KCNN3: variants seen among roughly 807,000 people sequenced by gnomAD.
KCNN3 encodes small conductance calcium-activated potassium channel protein 3.
Under a neutral mutation model 62.9 loss-of-function variants are expected in KCNN3, and 16 were observed. The observed-to-expected ratio is 0.25, with a 90% CI of 0.17 to 0.39. The LOEUF is 0.39. Ranked by LOEUF, KCNN3 falls within the 10% of genes least tolerant of loss-of-function variation. KCNN3 has a pLI of 1.00. For missense variants in KCNN3, 599 were observed against 949.4 expected (o/e 0.63, Z 4.85); for synonymous variants, 370 against 389.2 (o/e 0.95, Z 0.58).
chr1:154,719,089 G>A (rs1351110693), intron 5 of KCNN3, among the ~76,000 whole-genome samples: 1 of 152,042 alleles, frequency 6.6e-6, no homozygotes, highest in Non-Finnish European at 1.5e-5. Context: ...GAATGCTTGG[G>A]GCAGGAGTAC....
intron 3 of KCNN3, among the ~76,000 whole-genome samples, chr1:154,762,045 T>C (rs563390590): frequency 9.8e-5 from 15 of 152,364 alleles, no homozygotes; most frequent in Admixed American, 3.9e-4. Flanking sequence ...ATCATATGGA[T>C]GTGCCATACT....
chr1:154,860,354 C>A (rs1290332351), intron 1 of KCNN3, among the ~76,000 whole-genome samples: 1 of 152,154 alleles, frequency 6.6e-6, no homozygotes, highest in East Asian at 1.9e-4. Flanking sequence ...ATCGTGTGTC[C>A]CCCTGACCTT....
chr1:154,815,280 G>A (rs924748814), intron 2 of KCNN3, among the ~76,000 whole-genome samples: 2 of 152,212 alleles, frequency 1.3e-5, no homozygotes, highest in African/African-American at 4.8e-5. Flanking sequence ...TGGGGGGTTT[G>A]GGCAGCCTCC....
At chr1:154,768,936 C>A (rs915466180) in intron 3 of KCNN3, among the ~76,000 whole-genome samples, 2 of 152,090 alleles carry the variant, frequency 1.3e-5, no homozygotes, top group Admixed American at 6.5e-5. Context: ...AGAGTAGAGG[C>A]CAAGATTTCC....
At chr1:154,781,669 TG>T (rs1386917476) in intron 2 of KCNN3, among the ~76,000 whole-genome samples, 3 of 152,224 alleles carry the variant, frequency 2.0e-5, no homozygotes, top group African/African-American at 7.2e-5. Flanking sequence ...ATCAAGTGTT[TG>T]GGGTCTGGTT....
chr1:154,851,919 C>T (rs1227672677), intron 1 of KCNN3, among the ~76,000 whole-genome samples: 5 of 152,212 alleles, frequency 3.3e-5, no homozygotes, highest in South Asian at 2.1e-4. Flanking sequence ...CTCCTCAGGA[C>T]GGTCTACAAA....
intron 2 of KCNN3, among the ~76,000 whole-genome samples, chr1:154,786,866 G>C (rs187529472): frequency 1.4e-4 from 22 of 152,338 alleles, no homozygotes; most frequent in African/African-American, 5.3e-4. Flanking sequence ...CATGGAGAAA[G>C]CCACTTGTGG....
intron 3 of KCNN3, among the ~76,000 whole-genome samples, chr1:154,766,684 G>GT (rs538280656): frequency 0.017 from 2,245 of 135,342 alleles, 65 homozygotes; most frequent in African/African-American, 0.05. Flanking sequence ...TTTGGGGTTT[G>GT]TTTTTTTTTT....
chr1:154,817,676 T>C lies in KCNN3; in HGVS notation c.1029+4413A>G, dbSNP rs117568218. Among the ~76,000 whole-genome samples, 61 of 152,310 alleles carry C rather than the reference T, an allele frequency of 4.0e-4. No homozygotes were observed. In the East Asian group the frequency reaches 0.011, roughly 27 times the overall value. On this transcript the variant is annotated intron_variant, in intron 2 of 7. Transcript: ENST00000271915. The stretch of plus-strand genomic sequence containing the variant: ...CCTGGGTCATAACTGAGTTTTATGA[T>C]TCTGCCTGCTAGCCTGCCTTCCAGG...
At chr1:154,855,207 G>C (rs1652471845) in intron 1 of KCNN3, among the ~76,000 whole-genome samples, 1 of 147,968 alleles carries the variant, frequency 6.8e-6, no homozygotes, top group Admixed American at 7.0e-5. Context: ...TACAGAGTGA[G>C]ACTCTGTCTC....
rs558901416 is a variant in KCNN3 at position 154,747,841 on chromosome 1, T to A, written c.1449-14697A>T. On this transcript the variant is annotated intron_variant, in intron 3 of 7. Coordinates refer to ENST00000271915, the MANE Select transcript of KCNN3 (RefSeq NM_002249.6). ...ATCTTATGACACCCCAGCAAGCAAC[T>A]GCTTATTCTCTCCTCCAATCCATGC... is the stretch of plus-strand genomic sequence containing the variant. Among the ~76,000 whole-genome samples the A allele has an allele frequency of 3.2e-4, 48 of 152,284 alleles. No homozygotes were observed. In the South Asian group the frequency reaches 8.5e-3, roughly 27 times the overall value.
chr1:154,829,745 C>T (rs1651307508), intron 1 of KCNN3, among the ~76,000 whole-genome samples: 1 of 152,192 alleles, frequency 6.6e-6, no homozygotes, highest in Non-Finnish European at 1.5e-5. Context: ...GGTCCATATA[C>T]CCACCATCGA....
At chr1:154,865,023 G>C (rs575047007) in intron 1 of KCNN3, among the ~76,000 whole-genome samples, 2 of 152,218 alleles carry the variant, frequency 1.3e-5, no homozygotes, top group South Asian at 2.1e-4. Context: ...CAGCCACACA[G>C]AGGTACCAGC....
chr1:154,738,167 A>G (rs564586037), intron 3 of KCNN3, among the ~76,000 whole-genome samples: 1 of 152,298 alleles, frequency 6.6e-6, no homozygotes, highest in South Asian at 2.1e-4. Flanking sequence ...AAGGCACATT[A>G]TTGTGAAATT....
intron 3 of KCNN3, among the ~76,000 whole-genome samples, chr1:154,755,769 G>A (rs1278179910): frequency 2.3e-5 from 1 of 43,124 alleles, no homozygotes; most frequent in Non-Finnish European, 4.5e-5. Flanking sequence ...GAGGAGAGGT[G>A]GAGGAGGAGA....
chr1:154,740,854 T>A (rs992437221), intron 3 of KCNN3, among the ~76,000 whole-genome samples: 5 of 152,264 alleles, frequency 3.3e-5, no homozygotes, highest in African/African-American at 1.2e-4. Flanking sequence ...TCATTGATTC[T>A]AAAAGTTATT....
intron 7 of KCNN3, among the ~76,000 whole-genome samples, chr1:154,710,290 C>T (rs1700048095): frequency 6.6e-6 from 1 of 152,170 alleles, no homozygotes; most frequent in Admixed American, 6.5e-5. Context: ...GTTATTGTCT[C>T]CCCCTGTTCC....
intron 3 of KCNN3, 135 bp from the exon 4 acceptor site, chr1:154,733,279 T>A (rs1350992227): frequency 1.1e-6 from 1 of 922,792 alleles, no homozygotes; most frequent in Non-Finnish European, 1.7e-6. Context: ...CTCACACAGA[T>A]CTCTTTAGGC....
Position 154,704,652 on chromosome 1 carries a change from C to T in KCNN3, c.*3324G>A, listed in dbSNP as rs979807849. ...AATATTAGAGTGATTTTACCTGTCA[C>T]TGAGTTGTCAGAAAGATTATAGTAG... On this transcript the variant is annotated 3_prime_UTR_variant, in exon 8 of 8. Coordinates refer to ENST00000271915, the MANE Select transcript of KCNN3 (RefSeq NM_002249.6). 1.3e-5 allele frequency: 2 copies of T among 152,144 alleles called. No individual in the cohort carries two copies. The highest frequency in any genetic ancestry group is 2.9e-5 in the Non-Finnish European group (2 of 68,044). 9.4% of individuals were successfully genotyped at this position (152,144 alleles called of 1,614,324 possible).
Sources: gnomAD v4.1 joint callset for allele counts (sites outside exome capture counted in the v4.1 genomes callset) on GRCh38, gnomAD v4.1.1 for gene constraint, MANE v1.5 for transcripts, NCBI Gene and HGNC (gene_info 2026-07-23, HGNC 2026-07-21) for gene names.